The following ITGA2 variants were observed in gnomAD, a reference collection of about 807,000 sequenced individuals.
ITGA2 encodes integrin subunit alpha 2.
In ITGA2, 101 loss-of-function variants were observed where a neutral mutation model predicts 146.3. The ratio of observed to expected loss-of-function variants is 0.69; its 90% confidence interval spans 0.59 to 0.81. The LOEUF (loss-of-function observed/expected upper bound fraction) is 0.81. ITGA2 is among the 40% of genes least tolerant of loss of function. The probability of loss-of-function intolerance (pLI) is 0.00; values close to 1 mark genes in which losing one functional copy is unlikely to be tolerated. For missense variants in ITGA2, 1,281 were observed against 1,402.7 expected, an observed-to-expected ratio of 0.91 and a Z score of 1.39; for synonymous variants, 477 against 487.1, an observed-to-expected ratio of 0.98 and a Z score of 0.27.
intron 2 of ITGA2, among the ~76,000 whole-genome samples, chr5:53,031,892 A>G (rs1048251795): frequency 1.3e-5 from 2 of 152,202 alleles, no homozygotes; most frequent in African/African-American, 4.8e-5. Context: ...AACAATCTAC[A>G]AAGGATTGAG....
At chr5:52,996,787 G>A (rs768994742) in intron 1 of ITGA2, among the ~76,000 whole-genome samples, 3 of 152,136 alleles carry the variant, frequency 2.0e-5, no homozygotes, top group Non-Finnish European at 4.4e-5. Flanking sequence ...TAGAAATATA[G>A]ATTTATGTTT....
chr5:53,003,348 T>C lies in ITGA2; in HGVS notation c.64+13816T>C, dbSNP rs146840591. ...AGACTGTTCTGGTTACCCCTTGACA[T>C]GTAACCAGTCACCCCAAAATTTAGT... is the stretch of plus-strand genomic sequence containing the variant. On this transcript the variant is annotated intron_variant, in intron 1 of 29. Coordinates refer to ENST00000296585, the MANE Select transcript of ITGA2 (RefSeq NM_002203.4). Among the ~76,000 whole-genome samples the C allele has an allele frequency of 3.3e-4, 51 of 152,300 alleles. 4 individuals are homozygous for C. The East Asian group carries it at 9.7e-3, about 29-fold the overall frequency.
chr5:53,059,039 A>G (rs1425177657), intron 10 of ITGA2, among the ~76,000 whole-genome samples: 1 of 151,744 alleles, frequency 6.6e-6, no homozygotes, highest in African/African-American at 2.4e-5. Flanking sequence ...CTTACTTGCT[A>G]TTTTTCATGG....
At position 53,087,044 on chromosome 5, in the gene ITGA2, G is replaced by A. The variant is rs760063423; in HGVS notation, c.3348+3G>A. ...TGATTGAAGATAACACTGTTACGGTGAGCATATCACACCCTTCCCTGTGAG... is the reference window on the plus strand; with the variant it reads ...TGATTGAAGATAACACTGTTACGGTAAGCATATCACACCCTTCCCTGTGAG... On this transcript the variant is annotated splice_donor_region_variant and intron_variant, in intron 28 of 29. Coordinates refer to ENST00000296585, the MANE Select transcript of ITGA2 (RefSeq NM_002203.4). 1.2e-6 allele frequency: 2 copies of A among 1,605,018 alleles called. No individual in the cohort carries two copies. The highest frequency in any genetic ancestry group is 2.2e-5 in the East Asian group (1 of 44,746).
Position 52,989,392 on chromosome 5 carries a change from C to T in ITGA2, c.-77C>T. On this transcript the variant is annotated 5_prime_UTR_variant, in exon 1 of 30. Coordinates refer to ENST00000296585, the MANE Select transcript of ITGA2 (RefSeq NM_002203.4). ...ACAGCTTCTAGAGTGTGCAGGTTCTCGTATCCCTCGGCCAAGGGTATCCTC... is the reference window on the plus strand; with the variant it reads ...ACAGCTTCTAGAGTGTGCAGGTTCTTGTATCCCTCGGCCAAGGGTATCCTC... The T allele has an allele frequency of 2.1e-6, 3 of 1,457,604 alleles. No individual in the cohort carries two copies. Among genetic ancestry groups the T allele is most frequent in the Non-Finnish European group, 2.9e-6 (3 of 1,038,046 alleles). 90.3% of individuals were successfully genotyped at this position (1,457,604 alleles called of 1,614,324 possible). A position where few individuals can be genotyped will look rare whatever the true frequency, so the allele number is the denominator to read the frequency against.
rs1353978778 is a variant in ITGA2, at chr5:53,058,078, A to G, written c.1150A>G (p.Ser384Gly). Residue 384 changes from serine to glycine, a missense_variant, in exon 10 of 30, where the codon AGT (serine) becomes GGT (glycine). Ser to Gly is a moderately conservative substitution (Grantham distance 56, BLOSUM62 0). Transcript: ENST00000296585. ...FQMEMSQVGF[S>G]ADYSSQNDIL... ...GATGGAAATGTCACAAGTGGGATTC[A>G]GTGCAGATTACTCTTCTCAAAATGT... The G allele has an allele frequency of 6.2e-7, 1 of 1,611,430 alleles. No homozygotes were observed. Among genetic ancestry groups the G allele is most frequent in the East Asian group, 2.2e-5 (1 of 44,728 alleles).
At chr5:53,038,697 C>A (rs974063392) in intron 2 of ITGA2, among the ~76,000 whole-genome samples, 1 of 152,168 alleles carries the variant, frequency 6.6e-6, no homozygotes, top group Non-Finnish European at 1.5e-5. Flanking sequence ...CCTGGGCTTC[C>A]GCACTTGGTT....
intron 7 of ITGA2, 121 bp downstream of exon 7, chr5:53,051,680 C>G (rs1278930042): frequency 9.9e-6 from 10 of 1,015,136 alleles, no homozygotes; most frequent in African/African-American, 4.9e-5. Context: ...TAATTTAAAT[C>G]AGAACTAATA....
At chr5:53,051,367 T>G in intron 6 of ITGA2, 44 bp from the exon 7 acceptor site, 1 of 1,593,378 alleles carries the variant, frequency 6.3e-7, no homozygotes, top group Non-Finnish European at 8.6e-7. Flanking sequence ...GAAATTATTT[T>G]TAATGTAATG....
chr5:53,044,762 AC>A (rs1743991255), intron 3 of ITGA2, among the ~76,000 whole-genome samples: 1 of 152,104 alleles, frequency 6.6e-6, no homozygotes, highest in African/African-American at 2.4e-5. Context: ...TATAAGTCAT[AC>A]CCTCTCCAGA....
chr5:53,002,692 C>T (rs982297594), intron 1 of ITGA2, among the ~76,000 whole-genome samples: 2 of 151,904 alleles, frequency 1.3e-5, no homozygotes, highest in Non-Finnish European at 2.9e-5. Context: ...TTTTTCTTTT[C>T]GTTTTACTTT....
chr5:53,056,779 G>A (rs1744653648), intron 9 of ITGA2, among the ~76,000 whole-genome samples: 1 of 151,522 alleles, frequency 6.6e-6, no homozygotes. Flanking sequence ...ACGTGTTCAG[G>A]AGCTCACTGT....
chr5:52,989,576 C>A (rs376967116), intron 1 of ITGA2, 44 bp downstream of exon 1: 14 of 1,606,540 alleles, frequency 8.7e-6, no homozygotes, highest in Non-Finnish European at 1.2e-5. Flanking sequence ...GAGGGACCCG[C>A]GCGGCTTCCT....
At chr5:53,020,006 G>A (rs964370439) in intron 1 of ITGA2, among the ~76,000 whole-genome samples, 4 of 152,120 alleles carry the variant, frequency 2.6e-5, no homozygotes, top group Non-Finnish European at 4.4e-5. Flanking sequence ...ATACCATATA[G>A]GGTTTGGTAT....
At chr5:53,060,834 C>T in intron 11 of ITGA2, 67 bp from the exon 12 acceptor site, 11 of 1,472,382 alleles carry the variant, frequency 7.5e-6, no homozygotes, top group South Asian at 1.1e-5. Context: ...CACCTTTACT[C>T]ACTTCTTTTA....
chr5:53,060,846 C>T, intron 11 of ITGA2, 55 bp from the exon 12 acceptor site: 1 of 1,561,886 alleles, frequency 6.4e-7, no homozygotes, highest in South Asian at 1.1e-5. Context: ...CTTCTTTTAA[C>T]TTTATTTTGC....
At chr5:53,081,942 C>T (rs966808634) in intron 26 of ITGA2, among the ~76,000 whole-genome samples, 3 of 152,204 alleles carry the variant, frequency 2.0e-5, no homozygotes, top group African/African-American at 7.2e-5. Flanking sequence ...TCTTATGCCA[C>T]TTCTTACAAA....
At chr5:53,086,687 T>C (rs1398001820) in intron 27 of ITGA2, among the ~76,000 whole-genome samples, 1 of 152,224 alleles carries the variant, frequency 6.6e-6, no homozygotes, top group Non-Finnish European at 1.5e-5. Flanking sequence ...TATTTTAACC[T>C]ACTCATGTCT....
At chr5:53,030,192 C>A (rs900824866) in intron 2 of ITGA2, among the ~76,000 whole-genome samples, 1 of 152,176 alleles carries the variant, frequency 6.6e-6, no homozygotes, top group African/African-American at 2.4e-5. Flanking sequence ...TTTCTCTGTC[C>A]AGGATTACCT....
Sources: allele counts gnomAD v4.1 joint callset (sites outside exome capture counted in the v4.1 genomes callset), GRCh38; gene constraint gnomAD v4.1.1; transcripts MANE v1.5; gene names NCBI Gene and HGNC (gene_info 2026-07-23, HGNC 2026-07-21).